NF1: variants seen among roughly 807,000 people sequenced by gnomAD.
NF1 encodes the protein neurofibromin.
In NF1, 122 loss-of-function variants were observed where a neutral mutation model predicts 325.7. The observed-to-expected ratio is 0.37, with a 90% CI of 0.32 to 0.44. NF1 has a LOEUF of 0.44. Among genes scored for constraint, NF1 ranks in the 20% least tolerant of loss-of-function variants. NF1 has a pLI of 1.00. For synonymous variants in NF1, 1,091 were observed against 1,186.0 expected, an observed-to-expected ratio of 0.92 and a Z score of 1.65; for missense variants, 2,140 against 3,415.4, an observed-to-expected ratio of 0.63 and a Z score of 9.31.
intron 29 of NF1, among the ~76,000 whole-genome samples, chr17:31,239,730 A>G (rs1184716406): frequency 6.6e-6 from 1 of 152,144 alleles, no homozygotes; most frequent in African/African-American, 2.4e-5. Context: ...ACTTCAGGGT[A>G]AATGGGGTGT....
At chr17:31,342,897 C>T (rs2069860629) in intron 47 of NF1, 112 bp from the exon 48 acceptor site, 4 of 1,360,252 alleles carry the variant, frequency 2.9e-6, no homozygotes, top group Non-Finnish European at 2.1e-6. Flanking sequence ...TAATTTCTCT[C>T]AAATTGAAAG....
At chr17:31,153,746 A>AT (rs1460461709) in intron 1 of NF1, among the ~76,000 whole-genome samples, 1 of 149,688 alleles carries the variant, frequency 6.7e-6, no homozygotes, top group African/African-American at 2.5e-5. Flanking sequence ...GAGTAGCTGG[A>AT]TTACAGGCAC....
In NF1 at chr17:31,337,280, A is replaced by G. The variant is rs547280013; in HGVS notation, c.6428-88A>G. 2.1e-5 allele frequency: 23 copies of G among 1,115,028 alleles called. No individual in the cohort carries two copies. The Admixed American group carries it at 4.3e-4, about 21-fold the overall frequency. The allele number at this position is 1,115,028 out of a possible 1,614,324, so 69.1% of individuals were successfully genotyped here. A position where few individuals can be genotyped will look rare whatever the true frequency, so the allele number is the denominator to read the frequency against. ...TTATGTAATTTTTATATGGTATTCAAATTTTCTAAATTCAAAATGAAACAT... is the reference window on the plus strand; with the variant it reads ...TTATGTAATTTTTATATGGTATTCAGATTTTCTAAATTCAAAATGAAACAT... On this transcript the variant is annotated intron_variant, in intron 42 of 57. Coordinates refer to ENST00000358273, the MANE Select transcript of NF1 (RefSeq NM_001042492.3).
rs1324160729 is a variant in NF1 at position 31,374,609 on chromosome 17, A to G, written c.*454A>G. 7 of 296,222 alleles carry G rather than the reference A, an allele frequency of 2.4e-5. No individual in the cohort carries two copies. Among genetic ancestry groups the G allele is most frequent in the Admixed American group, 9.3e-5 (2 of 21,396 alleles). 18.3% of individuals were successfully genotyped at this position (296,222 alleles called of 1,614,324 possible). ...TTTCAAGATACAAGTTTATGAGAGA[A>G]ATAGTATTATAACCCCAGTATGTTT... On this transcript the variant is annotated 3_prime_UTR_variant, in exon 58 of 58. Transcript: ENST00000358273.
At chr17:31,332,454 A>C (rs1414311578) in intron 39 of NF1, among the ~76,000 whole-genome samples, 2 of 151,958 alleles carry the variant, frequency 1.3e-5, no homozygotes, top group Non-Finnish European at 1.5e-5. Flanking sequence ...ACAGAGGGAG[A>C]CTCTGTCTCA....
intron 35 of NF1, among the ~76,000 whole-genome samples, chr17:31,263,189 C>G (rs1311702857): frequency 1.3e-5 from 2 of 151,946 alleles, no homozygotes; most frequent in African/African-American, 2.4e-5. Flanking sequence ...GCCTGTAATC[C>G]CAGCATTTTG....
intron 36 of NF1, among the ~76,000 whole-genome samples, chr17:31,266,636 AAAGC>A (rs2067794932): frequency 6.6e-6 from 1 of 152,226 alleles, no homozygotes; most frequent in Non-Finnish European, 1.5e-5. Flanking sequence ...GTCTAAGTAA[AAAGC>A]AAACATTGGT....
intron 1 of NF1, chr17:31,136,384 A>G (rs773773752): frequency 6.7e-6 from 1 of 149,972 alleles, no homozygotes; most frequent in Non-Finnish European, 1.5e-5. Flanking sequence ...CGCTCCCCCC[A>G]CAACCACTTA....
At chr17:31,286,133 T>G (rs2068222651) in intron 36 of NF1, among the ~76,000 whole-genome samples, 1 of 152,194 alleles carries the variant, frequency 6.6e-6, no homozygotes, top group Non-Finnish European at 1.5e-5. Flanking sequence ...CTTGCTCTGT[T>G]GCCCAGGCTG....
At chr17:31,170,535 TC>T (rs1467418847) in intron 5 of NF1, among the ~76,000 whole-genome samples, 1 of 152,242 alleles carries the variant, frequency 6.6e-6, no homozygotes, top group African/African-American at 2.4e-5. Flanking sequence ...CGGTTTTGTC[TC>T]CTTGTAGAAC....
rs33925668 is a variant in NF1, at chr17:31,336,607, T to TAAA, written c.6148-19_6148-17dup. The TAAA allele has an allele frequency of 0.011, 16,039 of 1,415,564 alleles. 38 individuals are homozygous for TAAA. The highest frequency in any genetic ancestry group is 0.014 in the Middle Eastern group (66 of 4,718). 87.7% of individuals were successfully genotyped at this position (1,415,564 alleles called of 1,614,324 possible). A position where few individuals can be genotyped will look rare whatever the true frequency, so the allele number is the denominator to read the frequency against. On this transcript the variant is annotated intron_variant, in intron 41 of 57. Coordinates refer to ENST00000358273, the MANE Select transcript of NF1 (RefSeq NM_001042492.3). The surrounding 1 kb of genome is among the most constrained non-coding windows in gnomAD (Gnocchi z 5.5). ...ACTTTGAGTCCCATGTTTTTTTTTT[T>TAAA]AAAAAAAAAAATCCTGCTTCTTTAC...
intron 1 of NF1, among the ~76,000 whole-genome samples, chr17:31,127,351 A>C (rs1022621046): frequency 1.3e-5 from 2 of 152,130 alleles, no homozygotes; most frequent in Admixed American, 6.6e-5. Flanking sequence ...AGTTGGGAAG[A>C]ATTGATTGAC....
At chr17:31,256,197 G>A (rs2067579706) in intron 31 of NF1, among the ~76,000 whole-genome samples, 1 of 152,122 alleles carries the variant, frequency 6.6e-6, no homozygotes. Flanking sequence ...TTGGAGTGCA[G>A]TGGCACGATG....
rs530627385 is a variant in NF1, at chr17:31,302,708, G to C, written c.4836-23112G>C. 2.0e-5 allele frequency among the ~76,000 whole-genome samples: 3 copies of C among 152,172 alleles called. No homozygotes were observed. In the East Asian group the frequency reaches 5.8e-4, roughly 29 times the overall value. On this transcript the variant is annotated intron_variant, in intron 36 of 57. Transcript: ENST00000358273. Reference sequence around the variant, plus strand: ...AAAAATACCAAAATTAGCCAGGCGTGGTGGTGCACGCCTGTAGTCCCAGCT... The same window carrying C: ...AAAAATACCAAAATTAGCCAGGCGTCGTGGTGCACGCCTGTAGTCCCAGCT...
intron 8 of NF1, among the ~76,000 whole-genome samples, chr17:31,200,041 C>A (rs557631554): frequency 4.0e-5 from 6 of 151,228 alleles, no homozygotes; most frequent in Admixed American, 1.3e-4. Context: ...GAGGCTGAGG[C>A]GGGAGAATCG....
chr17:31,146,987 C>A (rs1335925382), intron 1 of NF1, among the ~76,000 whole-genome samples: 5 of 152,240 alleles, frequency 3.3e-5, no homozygotes, highest in Non-Finnish European at 5.9e-5. Context: ...ACCTCAGTGT[C>A]TACCACGATT....
intron 1 of NF1, among the ~76,000 whole-genome samples, chr17:31,116,045 T>G (rs1394109233): frequency 6.6e-6 from 1 of 152,210 alleles, no homozygotes; most frequent in East Asian, 1.9e-4. Flanking sequence ...ATCATCTATC[T>G]AAAAACCTTG....
intron 29 of NF1, among the ~76,000 whole-genome samples, chr17:31,248,153 G>T (rs1317298670): frequency 6.6e-6 from 1 of 151,588 alleles, no homozygotes; most frequent in African/African-American, 2.4e-5. Context: ...AGTGAACTGA[G>T]ATTGCGCCAT....
intron 36 of NF1, chr17:31,321,627 T>C (rs892714891): frequency 2.0e-5 from 3 of 152,058 alleles, no homozygotes; most frequent in African/African-American, 7.2e-5. Flanking sequence ...AAAAAGGATA[T>C]GTGCAGCTAG....
Sources: allele counts gnomAD v4.1 joint callset (sites outside exome capture counted in the v4.1 genomes callset), GRCh38; gene constraint gnomAD v4.1.1; non-coding constraint Gnocchi (gnomAD v3.1); transcripts MANE v1.5; gene names NCBI Gene and HGNC (gene_info 2026-07-23, HGNC 2026-07-21).